The following DCAF13 variants were observed in gnomAD, a reference collection of about 807,000 sequenced individuals.
DCAF13 encodes the protein DDB1 and CUL4 associated factor 13, also known as DDB1- and CUL4-associated factor 13.
DCAF13 carries 38 observed loss-of-function variants against 59.0 expected under a neutral mutation model. That is an observed-to-expected ratio of 0.64 (90% confidence interval 0.50 to 0.84). DCAF13 has a LOEUF of 0.84. Ranked by LOEUF, DCAF13 falls within the 40% of genes least tolerant of loss-of-function variation. The pLI, the probability that DCAF13 is intolerant of heterozygous loss-of-function variation, is 0.00. For missense variants in DCAF13, 469 were observed against 558.4 expected (o/e 0.84, Z 1.61); for synonymous variants, 173 against 175.0 (o/e 0.99, Z 0.09).
At chr8:103,425,592 C>T (rs1816777206) in intron 3 of DCAF13, among the ~76,000 whole-genome samples, 1 of 152,136 alleles carries the variant, frequency 6.6e-6, no homozygotes, top group African/African-American at 2.4e-5. Flanking sequence ...CAGAAAAGGA[C>T]TTTATCTATT....
At chr8:103,420,877 T>C in intron 2 of DCAF13, 98 bp from the exon 3 acceptor site, 2 of 879,470 alleles carry the variant, frequency 2.3e-6, no homozygotes. Flanking sequence ...TGGTTTTAGC[T>C]GCCCAGTAGA....
Position 103,437,719 on chromosome 8 carries a change from G to A in DCAF13, c.950+1929G>A, listed in dbSNP as rs551274577. ...TAAACATCAAATAACTCATGCTTGGGTGAATAATCTGTATTTAAAAAATAT... is the reference window on the plus strand; with the variant it reads ...TAAACATCAAATAACTCATGCTTGGATGAATAATCTGTATTTAAAAAATAT... On this transcript the variant is annotated intron_variant, in intron 8 of 10. Transcript: ENST00000612750. Among the ~76,000 whole-genome samples, 5 of 151,926 alleles carry A rather than the reference G, an allele frequency of 3.3e-5. No homozygotes were observed. The East Asian group carries it at 9.7e-4, about 29-fold the overall frequency.
At chr8:103,431,790 T>C (rs947822606) in intron 6 of DCAF13, among the ~76,000 whole-genome samples, 1 of 152,176 alleles carries the variant, frequency 6.6e-6, no homozygotes, top group African/African-American at 2.4e-5. Flanking sequence ...TCATTCTGTT[T>C]TTTTTTTAAT....
chr8:103,422,852 GAAT>G (rs1237750401), intron 3 of DCAF13, among the ~76,000 whole-genome samples: 1 of 152,142 alleles, frequency 6.6e-6, no homozygotes, highest in Non-Finnish European at 1.5e-5. Flanking sequence ...GATTGCAAGA[GAAT>G]AATAAAGGGA....
intron 5 of DCAF13, chr8:103,427,606 T>C (rs1816812048): frequency 4.0e-6 from 1 of 246,976 alleles, no homozygotes; most frequent in African/African-American, 2.2e-5. Flanking sequence ...TGTTAATTTT[T>C]CTACCTGCCT....
rs1210830995 is a variant in DCAF13, at chr8:103,427,182, G to C, written c.554G>C (p.Arg185Thr). ...CAAGTAGACATTTGGGATGAACAAA[G>C]AACTAATCCTATATGTTCAATGACC... ...GQQVDIWDEQ[R>T]TNPICSMTWG... The change falls in exon 5 of 11, where the codon AGA becomes ACA. Residue 185 changes from arginine to threonine, a missense_variant. Physicochemically the swap from Arg to Thr is moderately conservative, Grantham distance 71. Coordinates refer to ENST00000612750, the MANE Select transcript of DCAF13 (RefSeq NM_015420.7). The C allele has an allele frequency of 6.2e-7, 1 of 1,613,350 alleles. No individual in the cohort carries two copies. The highest frequency in any genetic ancestry group is 8.5e-7 in the Non-Finnish European group (1 of 1,179,574).
intron 5 of DCAF13, chr8:103,427,596 T>C: frequency 3.8e-6 from 1 of 260,616 alleles, no homozygotes; most frequent in East Asian, 7.9e-5. Flanking sequence ...TTTAGGAAAA[T>C]GTTAATTTTT....
intron 3 of DCAF13, among the ~76,000 whole-genome samples, chr8:103,422,695 A>T (rs1816737513): frequency 6.6e-6 from 1 of 152,236 alleles, no homozygotes; most frequent in African/African-American, 2.4e-5. Flanking sequence ...GTTTTGACCT[A>T]CCTATACAAC....
chr8:103,435,911 CA>C (rs1816925683), intron 8 of DCAF13, 121 bp downstream of exon 8: 1 of 995,182 alleles, frequency 1.0e-6, no homozygotes, highest in African/African-American at 1.6e-5. Flanking sequence ...TGCACTTAAA[CA>C]AAACTAGATG....
At chr8:103,423,916 C>T (rs561221008) in intron 3 of DCAF13, among the ~76,000 whole-genome samples, 21 of 152,030 alleles carry the variant, frequency 1.4e-4, no homozygotes, top group East Asian at 3.9e-4. Flanking sequence ...TTGCCCAGGC[C>T]GATGTTGAAC....
At chr8:103,419,851 A>G (rs1477450387) in intron 1 of DCAF13, among the ~76,000 whole-genome samples, 3 of 152,044 alleles carry the variant, frequency 2.0e-5, no homozygotes, top group Non-Finnish European at 4.4e-5. Context: ...TCTACTAAAA[A>G]TAGAAAAATT....
rs1045450237 is a variant in DCAF13, at chr8:103,442,934, GAACT to G, written c.*53_*56del. 1 of 1,291,844 alleles carries G rather than the reference GAACT, an allele frequency of 7.7e-7. No homozygotes were observed. The highest frequency in any genetic ancestry group is 1.5e-5 in the African/African-American group (1 of 66,774). The allele number at this position is 1,291,844 out of a possible 1,614,324, so 80.0% of individuals were successfully genotyped here. A position where few individuals can be genotyped will look rare whatever the true frequency, so the allele number is the denominator to read the frequency against. On this transcript the variant is annotated 3_prime_UTR_variant, in exon 11 of 11. Transcript: ENST00000612750. ...TAATTATTTGTTACTTTTGATTTGA[GAACT>G]CTACAAATAAAAGTGCTGGGACTAG...
intron 1 of DCAF13, among the ~76,000 whole-genome samples, chr8:103,417,636 C>T (rs529772323): frequency 2.3e-5 from 3 of 129,162 alleles, no homozygotes; most frequent in African/African-American, 6.6e-5. Context: ...AGGGAGACTC[C>T]GTCTCAAAAA....
intron 7 of DCAF13, among the ~76,000 whole-genome samples, chr8:103,433,653 A>G (rs1371080925): frequency 6.6e-6 from 1 of 152,052 alleles, no homozygotes; most frequent in Non-Finnish European, 1.5e-5. Context: ...AGCATCTTTT[A>G]TGACTTTCTG....
At chr8:103,420,544 G>A in intron 2 of DCAF13, 81 bp downstream of exon 2, 1 of 1,409,868 alleles carries the variant, frequency 7.1e-7, no homozygotes, top group Non-Finnish European at 9.7e-7. Context: ...AGTTACTGTA[G>A]GTTTTACTTT....
intron 1 of DCAF13, among the ~76,000 whole-genome samples, chr8:103,417,205 C>T (rs567159970): frequency 3.3e-5 from 5 of 152,184 alleles, no homozygotes; most frequent in Admixed American, 6.5e-5. Flanking sequence ...GTATGCAACC[C>T]GTCCCGTTAA....
intron 10 of DCAF13, 29 bp from the exon 11 acceptor site, chr8:103,442,766 T>C (rs1351989879): frequency 1.4e-6 from 2 of 1,471,362 alleles, no homozygotes; most frequent in South Asian, 1.4e-5. Context: ...TCCCATAACT[T>C]GCTTATATTT....
chr8:103,419,865 T>C (rs767154981), intron 1 of DCAF13, among the ~76,000 whole-genome samples: 15 of 151,850 alleles, frequency 9.9e-5, no homozygotes, highest in African/African-American at 4.8e-5. Flanking sequence ...AAAAATTAGC[T>C]GGGCGTGGTG....
intron 5 of DCAF13, chr8:103,429,574 A>T (rs573244603): frequency 6.6e-6 from 1 of 152,330 alleles, no homozygotes; most frequent in South Asian, 2.1e-4. Flanking sequence ...ATTTTTACTT[A>T]ATGCCAAGGG....
Sources: allele counts gnomAD v4.1 joint callset (sites outside exome capture counted in the v4.1 genomes callset), GRCh38; gene constraint gnomAD v4.1.1; transcripts MANE v1.5; gene names NCBI Gene and HGNC (gene_info 2026-07-23, HGNC 2026-07-21).